The following SPATA17 variants were observed in gnomAD, a reference collection of about 807,000 sequenced individuals.
The protein encoded by SPATA17 is spermatogenesis associated 17, also known as spermatogenesis-associated protein 17.
Under a neutral mutation model 62.2 loss-of-function variants are expected in SPATA17, and 53 were observed. The observed-to-expected ratio is 0.85, with a 90% CI of 0.68 to 1.07. The LOEUF (loss-of-function observed/expected upper bound fraction) is 1.07, where lower values mean the gene tolerates loss of function less well. Among genes scored for constraint, SPATA17 ranks in the 50% least tolerant of loss-of-function variants. SPATA17 has a pLI of 0.00. For synonymous variants in SPATA17, 146 were observed against 146.8 expected (o/e 0.99, Z 0.04); for missense variants, 466 against 425.5 (o/e 1.10, Z -0.84).
intron 1 of SPATA17, among the ~76,000 whole-genome samples, chr1:217,632,861 A>G (rs755426875): frequency 8.4e-4 from 128 of 152,236 alleles, no homozygotes; most frequent in Non-Finnish European, 1.6e-3. Context: ...CCCATCCATC[A>G]TGATGTTCAC....
At chr1:217,643,875 C>T (rs1670126298) in intron 1 of SPATA17, among the ~76,000 whole-genome samples, 1 of 151,880 alleles carries the variant, frequency 6.6e-6, no homozygotes, top group African/African-American at 2.4e-5. Context: ...ATTACAGGCA[C>T]CCACCATCAT....
At chr1:217,669,191 T>C in intron 4 of SPATA17, 108 bp downstream of exon 4, 2 of 902,966 alleles carry the variant, frequency 2.2e-6, no homozygotes, top group Non-Finnish European at 3.5e-6. Context: ...GATATGCTAA[T>C]GGTAAAGAGA....
At chr1:217,736,434 G>A (rs1044906856) in intron 5 of SPATA17, among the ~76,000 whole-genome samples, 1 of 152,184 alleles carries the variant, frequency 6.6e-6, no homozygotes, top group Non-Finnish European at 1.5e-5. Context: ...ATGTATGATT[G>A]TAAATTTTAT....
At chr1:217,779,254 T>C (rs957363939) in intron 7 of SPATA17, among the ~76,000 whole-genome samples, 15 of 151,696 alleles carry the variant, frequency 9.9e-5, no homozygotes, top group Admixed American at 1.3e-4. Context: ...TATGTATTTA[T>C]ATATGTATAT....
chr1:217,824,458 C>G (rs1366679346), intron 9 of SPATA17, among the ~76,000 whole-genome samples: 2 of 151,054 alleles, frequency 1.3e-5, no homozygotes, highest in African/African-American at 4.8e-5. Context: ...AAGAACAGTT[C>G]TATTCTTCCA....
At chr1:217,834,321 C>A (rs187780765) in intron 9 of SPATA17, among the ~76,000 whole-genome samples, 1 of 152,020 alleles carries the variant, frequency 6.6e-6, no homozygotes. Flanking sequence ...GCGTGTATTG[C>A]TTCTATTTAG....
At chr1:217,779,932 A>C (rs1673694900) in intron 7 of SPATA17, among the ~76,000 whole-genome samples, 1 of 152,056 alleles carries the variant, frequency 6.6e-6, no homozygotes, top group South Asian at 2.1e-4. Flanking sequence ...GACTCTCCTA[A>C]CCAGGGCTTA....
intron 4 of SPATA17, among the ~76,000 whole-genome samples, chr1:217,679,453 A>G (rs1671025224): frequency 1.3e-5 from 2 of 152,146 alleles, no homozygotes. Context: ...TAAATTTTAG[A>G]TCCTTCATTT....
chr1:217,864,273 C>T (rs1198854991), intron 10 of SPATA17, among the ~76,000 whole-genome samples: 4 of 151,960 alleles, frequency 2.6e-5, no homozygotes, highest in Non-Finnish European at 5.9e-5. Flanking sequence ...TATATCAGTC[C>T]TGTTTATGAT....
chr1:217,748,302 C>CA (rs61324067), intron 6 of SPATA17, among the ~76,000 whole-genome samples: 1,538 of 106,120 alleles, frequency 0.014, 42 homozygotes, highest in African/African-American at 0.045. Flanking sequence ...GACTCCATCT[C>CA]AAAAAAAAAA....
At chr1:217,799,837 G>A (rs1346482630) in intron 8 of SPATA17, among the ~76,000 whole-genome samples, 1 of 151,744 alleles carries the variant, frequency 6.6e-6, no homozygotes, top group Non-Finnish European at 1.5e-5. Flanking sequence ...ATATAGTAAT[G>A]GCTCAATAAA....
chr1:217,644,011 G>A (rs755254417), intron 1 of SPATA17, among the ~76,000 whole-genome samples: 11 of 152,150 alleles, frequency 7.2e-5, no homozygotes, highest in Admixed American at 3.3e-4. Context: ...ACAGGTGTGA[G>A]CCACCGCACA....
intron 8 of SPATA17, among the ~76,000 whole-genome samples, chr1:217,796,997 T>C (rs1282245320): frequency 1.3e-5 from 2 of 152,202 alleles, no homozygotes; most frequent in African/African-American, 4.8e-5. Flanking sequence ...TTTGTTTTTC[T>C]AGAAGGAGCA....
chr1:217,784,014 A>AT lies in SPATA17; in HGVS notation c.872+1702dup, dbSNP rs967752469. Among the ~76,000 whole-genome samples the AT allele has an allele frequency of 1.9e-3, 277 of 149,694 alleles. 1 individual carries two copies. The highest frequency in any genetic ancestry group is 5.7e-3 in the African/African-American group (234 of 40,954). On this transcript the variant is annotated intron_variant, in intron 8 of 10. Transcript: ENST00000366933. ...AATTTCTTATAGATTCAAATCTATT[A>AT]TTTTTTTTTTGCAACTAGGCTAAGT...
rs1410011971 is a variant in SPATA17 at position 217,718,365 on chromosome 1, CCT to C, written c.396-23607_396-23606del. Among the ~76,000 whole-genome samples the C allele has an allele frequency of 2.0e-5, 3 of 152,204 alleles. No homozygotes were observed. The East Asian group carries it at 5.8e-4, about 29-fold the overall frequency. ...AGGTAAGAACTCTGATTAACTTCCA[CCT>C]CTTCTTTCAGCCAGGATCCCCAAAA... On this transcript the variant is annotated intron_variant, in intron 5 of 10. Transcript: ENST00000366933.
intron 7 of SPATA17, among the ~76,000 whole-genome samples, chr1:217,777,259 A>T (rs1016110322): frequency 1.3e-5 from 2 of 152,072 alleles, no homozygotes; most frequent in African/African-American, 4.8e-5. Flanking sequence ...CTACTAACTG[A>T]TAATTAATAC....
At chr1:217,666,761 T>C (rs1160988726) in intron 3 of SPATA17, among the ~76,000 whole-genome samples, 1 of 152,186 alleles carries the variant, frequency 6.6e-6, no homozygotes, top group Non-Finnish European at 1.5e-5. Flanking sequence ...CTACTTTCTG[T>C]CTGTATGAAT....
chr1:217,647,871 C>T (rs1571703005), intron 1 of SPATA17, among the ~76,000 whole-genome samples: 1 of 151,930 alleles, frequency 6.6e-6, no homozygotes. Context: ...TACAGGAGCC[C>T]GCCACCACGC....
At chr1:217,741,874 T>C in intron 5 of SPATA17, 101 bp from the exon 6 acceptor site, 2 of 1,279,674 alleles carry the variant, frequency 1.6e-6, no homozygotes, top group Non-Finnish European at 2.2e-6. Context: ...TGGATGGATA[T>C]GGATGATGGT....
Sources: gnomAD v4.1 joint callset for allele counts (sites outside exome capture counted in the v4.1 genomes callset) on GRCh38, gnomAD v4.1.1 for gene constraint, MANE v1.5 for transcripts, NCBI Gene and HGNC (gene_info 2026-07-23, HGNC 2026-07-21) for gene names.